Variants in RANBP2 observed in about 807,000 individuals in gnomAD.
The protein encoded by RANBP2 is RAN binding protein 2, also known as E3 SUMO-protein ligase RanBP2.
RANBP2 carries 57 observed loss-of-function variants against 303.6 expected under a neutral mutation model. The ratio of observed to expected loss-of-function variants is 0.19; its 90% CI spans 0.15 to 0.23. RANBP2 has a LOEUF of 0.23. Among genes scored for constraint, RANBP2 ranks in the 10% least tolerant of loss-of-function variants. The pLI is 1.00. For missense variants in RANBP2, 3,138 were observed against 3,780.8 expected, an observed-to-expected ratio of 0.83 and a Z score of 4.46; for synonymous variants, 1,167 against 1,301.5, an observed-to-expected ratio of 0.90 and a Z score of 2.23.
the RANBP2 span, chr2:109,129,418 C>T: frequency 2.1e-6 from 3 of 1,458,748 alleles, no homozygotes; most frequent in Non-Finnish European, 2.7e-6. Flanking sequence ...GGGCCACCAG[C>T]CGGGGTGAAG....
At chr2:109,636,302 T>C in the RANBP2 span, among the ~76,000 whole-genome samples, 2 of 152,176 alleles carry the variant, frequency 1.3e-5, no homozygotes, top group African/African-American at 4.8e-5. Context: ...GAGAAGAGCA[T>C]ACCAAGATTT....
chr2:108,977,718 TC>T, the RANBP2 span, among the ~76,000 whole-genome samples: 2 of 152,034 alleles, frequency 1.3e-5, no homozygotes, highest in Non-Finnish European at 2.9e-5. Context: ...CCCTGGAGAT[TC>T]CTCAGTGAAC....
the RANBP2 span, among the ~76,000 whole-genome samples, chr2:109,342,667 G>A: frequency 6.6e-6 from 1 of 152,196 alleles, no homozygotes; most frequent in Admixed American, 6.5e-5. Context: ...TCAGGGGTAC[G>A]GCTTGCCTGA....
At chr2:109,171,947 G>A in the RANBP2 span, among the ~76,000 whole-genome samples, 1 of 152,220 alleles carries the variant, frequency 6.6e-6, no homozygotes, top group Non-Finnish European at 1.5e-5. Flanking sequence ...CCCTCCTTTC[G>A]CTGTGGTGAG....
At chr2:109,670,322 G>T in the RANBP2 span, among the ~76,000 whole-genome samples, 1 of 150,588 alleles carries the variant, frequency 6.6e-6, no homozygotes, top group Non-Finnish European at 1.5e-5. Flanking sequence ...GTGGGGGTGG[G>T]GGTGGGGGTT....
the RANBP2 span, among the ~76,000 whole-genome samples, chr2:109,441,554 G>A: frequency 2.6e-5 from 4 of 152,228 alleles, no homozygotes; most frequent in Non-Finnish European, 4.4e-5. Flanking sequence ...TGAGCAATGG[G>A]ACAACTTTAA....
the RANBP2 span, among the ~76,000 whole-genome samples, chr2:109,017,854 T>C: frequency 6.6e-6 from 1 of 152,212 alleles, no homozygotes; most frequent in Non-Finnish European, 1.5e-5. Context: ...AGACACCTTC[T>C]AAATCCCCCG....
At chr2:108,913,829 A>G in the RANBP2 span, among the ~76,000 whole-genome samples, 2 of 151,540 alleles carry the variant, frequency 1.3e-5, no homozygotes, top group Non-Finnish European at 2.9e-5. Context: ...AGGCGCCTGT[A>G]GTCCCAGCTA....
At chr2:109,207,404 T>C in the RANBP2 span, among the ~76,000 whole-genome samples, 1 of 152,302 alleles carries the variant, frequency 6.6e-6, no homozygotes, top group Admixed American at 6.5e-5. Flanking sequence ...TAAGAAAAAG[T>C]GACAGGCAAG....
the RANBP2 span, among the ~76,000 whole-genome samples, chr2:109,086,632 A>G: frequency 1.4e-4 from 22 of 152,258 alleles, no homozygotes; most frequent in Non-Finnish European, 2.9e-4. Flanking sequence ...CTGTCTCAGC[A>G]GGTCCAGGGC....
the RANBP2 span, among the ~76,000 whole-genome samples, chr2:108,954,778 C>A: frequency 2.0e-5 from 3 of 151,992 alleles, no homozygotes; most frequent in East Asian, 1.9e-4. Flanking sequence ...CAGGTTCAAG[C>A]GATTCTCCTG....
chr2:108,824,406 C>T, the RANBP2 span, among the ~76,000 whole-genome samples: 4 of 152,146 alleles, frequency 2.6e-5, no homozygotes, highest in East Asian at 7.7e-4. Flanking sequence ...AACTAAGACA[C>T]AAACGCACAT....
the RANBP2 span, among the ~76,000 whole-genome samples, chr2:109,259,480 T>C: frequency 6.6e-6 from 1 of 152,224 alleles, no homozygotes; most frequent in Non-Finnish European, 1.5e-5. Context: ...GTTGGTGGAC[T>C]AGAGTCCTTG....
At chr2:108,793,042 C>T in the RANBP2 span, among the ~76,000 whole-genome samples, 5 of 145,900 alleles carry the variant, frequency 3.4e-5, no homozygotes, top group African/African-American at 1.0e-4. Flanking sequence ...CCAGTCTGGG[C>T]GACAGAGAGA....
the RANBP2 span, among the ~76,000 whole-genome samples, chr2:109,173,061 T>A: frequency 0.028 from 4,212 of 152,226 alleles, 178 homozygotes; most frequent in African/African-American, 0.095. Flanking sequence ...TAAGGGAAAA[T>A]TTTACTTTCT....
At chr2:108,786,717 G>A, downstream of RANBP2, 1 of 1,077,400 alleles carries the variant, frequency 9.3e-7, no homozygotes, top group Non-Finnish European at 1.4e-6. Flanking sequence ...CGCCGTGCGT[G>A]CCTCGGGGGG....
the RANBP2 span, among the ~76,000 whole-genome samples, chr2:109,257,866 CACAG>C: frequency 3.3e-5 from 5 of 152,122 alleles, no homozygotes; most frequent in Admixed American, 1.3e-4. Flanking sequence ...TCACAGTAAA[CACAG>C]ACAGAGCACA....
At chr2:108,746,877 A>G (rs1253126838) in intron 8 of RANBP2, 79 bp downstream of exon 8, 4 of 610,812 alleles carry the variant, frequency 6.5e-6, no homozygotes, top group African/African-American at 5.6e-5. Flanking sequence ...TAAAATCTTC[A>G]TCTGTCCAGG....
chr2:109,669,932 G>A, the RANBP2 span, among the ~76,000 whole-genome samples: 3 of 134,100 alleles, frequency 2.2e-5, no homozygotes, highest in Non-Finnish European at 4.6e-5. Context: ...GCCCCCAAGC[G>A]ACCCCCCACC....
Sources: gnomAD v4.1 joint callset for allele counts (sites outside exome capture counted in the v4.1 genomes callset) on GRCh38, gnomAD v4.1.1 for gene constraint, MANE v1.5 for transcripts, NCBI Gene and HGNC (gene_info 2026-07-23, HGNC 2026-07-21) for gene names.